ABCC1: variants seen among roughly 807,000 people sequenced by gnomAD.
ABCC1 encodes ATP binding cassette subfamily C member 1 (ABCC1 blood group), also known as multidrug resistance-associated protein 1.
ABCC1 carries 83 observed loss-of-function variants against 172.9 expected under a neutral mutation model. The ratio of observed to expected loss-of-function variants is 0.48; its 90% confidence interval spans 0.40 to 0.58. ABCC1 has a LOEUF of 0.58. Among genes scored for constraint, ABCC1 ranks in the 20% least tolerant of loss-of-function variants. ABCC1 has a pLI of 0.00. For missense variants in ABCC1, 1,817 were observed against 2,002.7 expected, an observed-to-expected ratio of 0.91 and a Z score of 1.77; for synonymous variants, 937 against 825.2, an observed-to-expected ratio of 1.14 and a Z score of -2.32.
intron 23 of ABCC1, among the ~76,000 whole-genome samples, chr16:16,117,659 C>G (rs1245827284): frequency 6.6e-6 from 1 of 152,176 alleles, no homozygotes; most frequent in African/African-American, 2.4e-5. Flanking sequence ...TAACCCTACC[C>G]CTTTGGGAGG....
At chr16:16,004,761 T>C (rs1473379020) in intron 1 of ABCC1, among the ~76,000 whole-genome samples, 1 of 151,594 alleles carries the variant, frequency 6.6e-6, no homozygotes, top group Non-Finnish European at 1.5e-5. Flanking sequence ...TTCAGGTGAT[T>C]CTCCTGCCTG....
At chr16:15,959,972 A>G (rs901999306) in intron 1 of ABCC1, among the ~76,000 whole-genome samples, 1 of 152,046 alleles carries the variant, frequency 6.6e-6, no homozygotes, top group African/African-American at 2.4e-5. Context: ...TGGAGCTTTT[A>G]TCTTCCTCTC....
intron 12 of ABCC1, among the ~76,000 whole-genome samples, chr16:16,057,424 C>T (rs2049709599): frequency 6.6e-6 from 1 of 151,500 alleles, no homozygotes; most frequent in Admixed American, 6.6e-5. Flanking sequence ...TGCTTTTCCC[C>T]CACTAGGATG....
chr16:16,121,168 C>T (rs1471746623), intron 23 of ABCC1, among the ~76,000 whole-genome samples: 1 of 152,074 alleles, frequency 6.6e-6, no homozygotes, highest in Non-Finnish European at 1.5e-5. Flanking sequence ...CTCACAATGA[C>T]CCCGTGAAGC....
At position 16,143,051 on chromosome 16, in the gene ABCC1, C is replaced by A. The variant is rs1387557635; in HGVS notation, c.*1770C>A. On this transcript the variant is annotated 3_prime_UTR_variant, in exon 31 of 31. Coordinates refer to ENST00000399410, the MANE Select transcript of ABCC1 (RefSeq NM_004996.4). ...TTGCAGTAAAAAAATATATATATAT[C>A]TATATATTTTATTTCTTTCTAAAGA... is the stretch of plus-strand genomic sequence containing the variant. 6.6e-5 allele frequency: 10 copies of A among 151,772 alleles called. No individual in the cohort carries two copies. The highest frequency in any genetic ancestry group is 2.4e-4 in the African/African-American group (10 of 41,256). The allele number at this position is 151,772 out of a possible 1,614,324, so 9.4% of individuals were successfully genotyped here.
In ABCC1 at chr16:16,098,808, T is replaced by G. The variant is rs777670371; in HGVS notation, c.2645-3819T>G. ...CACTCCCTTCACTCCTTTATTTAGA[T>G]AGGGGCTTAGGGCGGGAGTTTCGCT... On this transcript the variant is annotated intron_variant, in intron 19 of 30. Transcript: ENST00000399410. 9 of 1,308,978 alleles carry G rather than the reference T, an allele frequency of 6.9e-6. No individual in the cohort carries two copies. In the African/African-American group the frequency reaches 1.3e-4, roughly 20 times the overall value. 81.1% of individuals were successfully genotyped at this position (1,308,978 alleles called of 1,614,324 possible).
intron 1 of ABCC1, among the ~76,000 whole-genome samples, chr16:15,994,917 G>A (rs1053939868): frequency 6.6e-6 from 1 of 151,426 alleles, no homozygotes; most frequent in African/African-American, 2.4e-5. Flanking sequence ...CAGATCATGA[G>A]GTCAGAAATG....
chr16:16,117,197 C>T (rs2044922857), intron 23 of ABCC1, among the ~76,000 whole-genome samples: 1 of 152,166 alleles, frequency 6.6e-6, no homozygotes, highest in Admixed American at 6.5e-5. Flanking sequence ...TTAATTGACT[C>T]ACAGTTCCGC....
At chr16:16,137,056 C>T (rs913293481) in intron 29 of ABCC1, among the ~76,000 whole-genome samples, 2 of 152,212 alleles carry the variant, frequency 1.3e-5, no homozygotes, top group Admixed American at 1.3e-4. Flanking sequence ...GCATTAATGC[C>T]TGGCACACCA....
chr16:16,075,949 A>G (rs970808889), intron 14 of ABCC1, among the ~76,000 whole-genome samples: 6 of 150,020 alleles, frequency 4.0e-5, no homozygotes, highest in African/African-American at 1.2e-4. Flanking sequence ...GACCTTGGCC[A>G]CTGCTCGGCC....
chr16:16,016,754 C>T, intron 5 of ABCC1, 133 bp downstream of exon 5: 1 of 1,301,922 alleles, frequency 7.7e-7, no homozygotes. Context: ...CAGGGAATAT[C>T]ATCCCACCTA....
At chr16:16,080,336 G>T (rs940533032) in intron 16 of ABCC1, among the ~76,000 whole-genome samples, 1 of 152,168 alleles carries the variant, frequency 6.6e-6, no homozygotes, top group African/African-American at 2.4e-5. Context: ...AAAGGGAACA[G>T]TTTAAATTTT....
intron 7 of ABCC1, among the ~76,000 whole-genome samples, chr16:16,044,201 G>C (rs749365489): frequency 2.0e-5 from 3 of 152,224 alleles, no homozygotes; most frequent in Non-Finnish European, 4.4e-5. Flanking sequence ...CTGAGGCCCA[G>C]AGAGCTTAAG....
Position 16,102,690 on chromosome 16 carries a change from C to G in ABCC1, c.2708C>G (p.Thr903Arg). ...AKQMENGMLV[T>R]DSAGKQLQRQ... is the part of the protein sequence containing the mutation. ...CAAATGGAGAATGGCATGCTGGTGA[C>G]GGACAGTGCAGGGAAGCAACTGCAG... The change falls in exon 20 of 31, where the codon ACG becomes AGG. Residue 903 changes from threonine to arginine, a missense_variant. Physicochemically the swap from Thr to Arg is moderately conservative, Grantham distance 71. Around this residue, in one of 3 missense-constraint regions of ABCC1, gnomAD observed 1,412 missense variants for 1,600.3 expected, o/e 0.88. Transcript: ENST00000399410. The G allele has an allele frequency of 6.3e-7, 1 of 1,587,712 alleles. No individual in the cohort carries two copies. Among genetic ancestry groups the G allele is most frequent in the African/African-American group, 1.3e-5 (1 of 74,608 alleles).
Position 16,111,581 on chromosome 16 carries a change from A to G in ABCC1, c.3078A>G (p.Gln1026=). The G allele has an allele frequency of 1.2e-6, 2 of 1,612,418 alleles. No homozygotes were observed. The highest frequency in any genetic ancestry group is 1.7e-6 in the Non-Finnish European group (2 of 1,179,720). The change falls in exon 22 of 31, where the codon CAA becomes CAG. Residue 1026 remains glutamine (Q), a splice_region_variant and synonymous_variant. Transcript: ENST00000399410. ...TCTATGGAGCCCTGGGCATTTCACA[A>G]GGTTGGTGCCGCTGTCTCCCACCCC... The part of the protein sequence containing the change: ...LSVYGALGIS[Q]GIAVFGYSMA...
chr16:16,132,539 T>TTTTTTTTA (rs2045742885), intron 27 of ABCC1, among the ~76,000 whole-genome samples: 1 of 130,272 alleles, frequency 7.7e-6, no homozygotes. Context: ...TTTTTTTTTT[T>TTTTTTTTA]GAGATGGAGT....
intron 5 of ABCC1, among the ~76,000 whole-genome samples, chr16:16,023,800 T>G (rs1322299022): frequency 6.6e-6 from 1 of 152,014 alleles, no homozygotes; most frequent in Non-Finnish European, 1.5e-5. Context: ...GTCTAAGGAA[T>G]GCGAGGCTCT....
intron 1 of ABCC1, among the ~76,000 whole-genome samples, chr16:15,961,226 G>A (rs1336661530): frequency 6.6e-6 from 1 of 152,032 alleles, no homozygotes; most frequent in Non-Finnish European, 1.5e-5. Context: ...AAACGTTTGT[G>A]ATCAAGACCA....
chr16:16,039,088 A>G (rs1222618216), intron 7 of ABCC1, among the ~76,000 whole-genome samples: 2 of 152,114 alleles, frequency 1.3e-5, no homozygotes, highest in Non-Finnish European at 2.9e-5. Context: ...TGCCATCGAC[A>G]TTCTATATGG....
Sources: gnomAD v4.1 joint callset for allele counts (sites outside exome capture counted in the v4.1 genomes callset) on GRCh38, gnomAD v4.1.1 for gene constraint, gnomAD v4.1.1 regional missense constraint, MANE v1.5 for transcripts, NCBI Gene and HGNC (gene_info 2026-07-23, HGNC 2026-07-21) for gene names.